The following CLDN10 variants were observed in gnomAD, a reference collection of about 807,000 sequenced individuals.
CLDN10 encodes the protein claudin 10.
In CLDN10, 15 loss-of-function variants were observed where a neutral mutation model predicts 22.9. That is an observed-to-expected ratio of 0.65 (90% CI 0.44 to 1.01). The LOEUF is 1.01. Ranked by LOEUF, CLDN10 falls within the 50% of genes least tolerant of loss-of-function variation. CLDN10 has a pLI of 0.00. For synonymous variants in CLDN10, 114 were observed against 111.4 expected (o/e 1.02, Z -0.15); for missense variants, 247 against 287.8 (o/e 0.86, Z 1.03).
chr13:95,457,110 T>C (rs944976395), intron 1 of CLDN10, among the ~76,000 whole-genome samples: 3 of 152,202 alleles, frequency 2.0e-5, no homozygotes, highest in Non-Finnish European at 1.5e-5. Flanking sequence ...AGCATTTTAT[T>C]GCACCCATCT....
chr13:95,483,633 C>A (rs1178305790), intron 1 of CLDN10, among the ~76,000 whole-genome samples: 1 of 152,192 alleles, frequency 6.6e-6, no homozygotes, highest in African/African-American at 2.4e-5. Flanking sequence ...CAGGAGTGGG[C>A]AGAGCAGTGA....
At position 95,579,399 on chromosome 13, in the gene CLDN10, T is replaced by C. The variant is rs192267900; in HGVS notation, c.*1385T>C. ...GTTCATACACACCTTTCATGTCCTG[T>C]CTCACTCACTCCTCACAGCCATCCT... On this transcript the variant is annotated 3_prime_UTR_variant, in exon 5 of 5. Transcript: ENST00000299339. 6.6e-6 allele frequency: 1 copy of C among 152,338 alleles called. No homozygotes were observed. 9.4% of individuals were successfully genotyped at this position (152,338 alleles called of 1,614,324 possible). A position where few individuals can be genotyped will look rare whatever the true frequency, so the allele number is the denominator to read the frequency against.
At chr13:95,574,693 T>C (rs6492813) in intron 3 of CLDN10, among the ~76,000 whole-genome samples, 135,245 of 152,056 alleles carry the variant, frequency 0.89, 60,236 homozygotes, top group Non-Finnish European at 0.91. Context: ...TCGCTTGAAC[T>C]CGGGAGGTGG....
chr13:95,496,979 C>T (rs2042936018), intron 1 of CLDN10: 1 of 152,156 alleles, frequency 6.6e-6, no homozygotes, highest in East Asian at 1.9e-4. Context: ...TCCACCACTC[C>T]CTAGCTGTGG....
chr13:95,560,001 C>T (rs2043684619), intron 1 of CLDN10, 131 bp from the exon 2 acceptor site: 1 of 868,130 alleles, frequency 1.2e-6, no homozygotes, highest in Admixed American at 2.6e-5. Context: ...TCTTGCTTGT[C>T]TTGCCACATG....
intron 1 of CLDN10, among the ~76,000 whole-genome samples, chr13:95,493,068 C>T (rs1180314143): frequency 6.6e-6 from 1 of 152,142 alleles, no homozygotes; most frequent in Non-Finnish European, 1.5e-5. Context: ...TTCAGAGGGT[C>T]TGCGGCTCCT....
Position 95,543,125 on chromosome 13 carries a change from G to A in CLDN10, c.215-17007G>A, listed in dbSNP as rs149288638. 2.8e-3 allele frequency among the ~76,000 whole-genome samples: 421 copies of A among 152,258 alleles called. 2 individuals carry two copies. The highest frequency in any genetic ancestry group is 9.4e-3 in the African/African-American group (391 of 41,560). On this transcript the variant is annotated intron_variant, in intron 1 of 4. Transcript: ENST00000376873. ...CACATGCCTGTAACCCCAGCTACTC[G>A]GGAGGTTGAGGCATGAGAATTGCTT...
At chr13:95,557,778 G>A (rs1394715408) in intron 1 of CLDN10, among the ~76,000 whole-genome samples, 1 of 152,152 alleles carries the variant, frequency 6.6e-6, no homozygotes, top group African/African-American at 2.4e-5. Context: ...GCATCTCAGA[G>A]TGAGAAACTC....
intron 1 of CLDN10, among the ~76,000 whole-genome samples, chr13:95,514,921 A>T (rs1594579281): frequency 6.6e-6 from 1 of 152,102 alleles, no homozygotes; most frequent in East Asian, 1.9e-4. Context: ...TTGCATGGAG[A>T]TGGCGCTGAA....
chr13:95,481,737 C>T (rs2042748908), intron 1 of CLDN10, among the ~76,000 whole-genome samples: 1 of 152,178 alleles, frequency 6.6e-6, no homozygotes, highest in Non-Finnish European at 1.5e-5. Flanking sequence ...TGTAAAAACT[C>T]GATCAGGCAC....
chr13:95,488,014 C>T (rs934715015), intron 1 of CLDN10, among the ~76,000 whole-genome samples: 5 of 150,690 alleles, frequency 3.3e-5, no homozygotes, highest in African/African-American at 9.8e-5. Context: ...GAGATGGAGT[C>T]TCGCTCTGTC....
chr13:95,553,296 C>T (rs997219151), intron 1 of CLDN10, among the ~76,000 whole-genome samples: 3 of 152,148 alleles, frequency 2.0e-5, no homozygotes, highest in Non-Finnish European at 2.9e-5. Context: ...TGCCCTCCCC[C>T]ACCCCCCATA....
intron 1 of CLDN10, among the ~76,000 whole-genome samples, chr13:95,436,242 G>A (rs1457466549): frequency 6.6e-6 from 1 of 152,076 alleles, no homozygotes; most frequent in Non-Finnish European, 1.5e-5. Flanking sequence ...GGAGTGCAGT[G>A]GTACAATCTC....
chr13:95,458,172 G>T (rs1391129787), intron 1 of CLDN10, among the ~76,000 whole-genome samples: 2 of 152,192 alleles, frequency 1.3e-5, no homozygotes, highest in African/African-American at 2.4e-5. Context: ...TACATGAGTG[G>T]TTGTGTAGAC....
chr13:95,469,843 T>C (rs2042613977), intron 1 of CLDN10, among the ~76,000 whole-genome samples: 1 of 152,186 alleles, frequency 6.6e-6, no homozygotes, highest in Admixed American at 6.5e-5. Context: ...AGACAGGCTT[T>C]ATTGTCTTTT....
chr13:95,562,091 A>T (rs2043721381), intron 3 of CLDN10, among the ~76,000 whole-genome samples: 1 of 151,772 alleles, frequency 6.6e-6, no homozygotes, highest in Non-Finnish European at 1.5e-5. Context: ...CACCATGCCC[A>T]GCTAATTTTT....
chr13:95,524,871 T>TATTTATTTA (rs777101760), intron 1 of CLDN10, among the ~76,000 whole-genome samples: 155 of 151,146 alleles, frequency 1.0e-3, no homozygotes, highest in Middle Eastern at 3.4e-3. Context: ...TTTTATTTTT[T>TATTTATTTA]TTTTTGAGAC....
chr13:95,435,680 C>T (rs2042262198), intron 1 of CLDN10, among the ~76,000 whole-genome samples: 1 of 151,962 alleles, frequency 6.6e-6, no homozygotes, highest in Non-Finnish European at 1.5e-5. Flanking sequence ...GTGTGGAGAC[C>T]CTCTTGTCAC....
rs150433673 is a variant in CLDN10, at chr13:95,556,431, T to C, written c.220+3458T>C. On this transcript the variant is annotated intron_variant, in intron 1 of 4. Transcript: ENST00000299339. ...TTTTCCTTATAAGAAAAATGAGGCC[T>C]AGCAAAGCTATATGTCTAGATTTAA... is the stretch of plus-strand genomic sequence containing the variant. Among the ~76,000 whole-genome samples, 834 of 152,310 alleles carry C rather than the reference T, an allele frequency of 5.5e-3. 11 individuals are homozygous for C. Among genetic ancestry groups the C allele is most frequent in the African/African-American group, 0.019 (795 of 41,566 alleles).
Sources: allele counts gnomAD v4.1 joint callset (sites outside exome capture counted in the v4.1 genomes callset), GRCh38; gene constraint gnomAD v4.1.1; transcripts MANE v1.5; gene names NCBI Gene and HGNC (gene_info 2026-07-23, HGNC 2026-07-21).